Variants in CUBN observed in about 807,000 individuals in gnomAD.
The protein encoded by CUBN is 460 kDa receptor.
A neutral mutation model predicts 405.3 loss-of-function variants in CUBN; 282 were observed. The ratio of observed to expected loss-of-function variants is 0.70; its 90% CI spans 0.63 to 0.77. The LOEUF (loss-of-function observed/expected upper bound fraction) is 0.77. CUBN is among the 30% of genes least tolerant of loss of function. The pLI is 0.00. For missense variants in CUBN, 4,514 were observed against 4,475.2 expected (o/e 1.01, Z -0.25); for synonymous variants, 1,684 against 1,617.0 (o/e 1.04, Z -0.99).
At chr10:16,954,753 C>T (rs1843005796) in intron 31 of CUBN, among the ~76,000 whole-genome samples, 1 of 152,120 alleles carries the variant, frequency 6.6e-6, no homozygotes, top group African/African-American at 2.4e-5. Flanking sequence ...GCAGGACTTC[C>T]TCTGTCAGAG....
intron 14 of CUBN, among the ~76,000 whole-genome samples, chr10:17,089,525 A>T (rs12217785): frequency 0.54 from 81,510 of 151,974 alleles, 22,515 homozygotes; most frequent in East Asian, 0.7. Context: ...ACAAAGAAGG[A>T]GCAAATAAAA....
chr10:16,972,241 T>C (rs1036774220), intron 31 of CUBN, among the ~76,000 whole-genome samples: 1 of 152,134 alleles, frequency 6.6e-6, no homozygotes, highest in Non-Finnish European at 1.5e-5. Context: ...AAAATACTCC[T>C]AAAAGTGATC....
rs57009841 is a variant in CUBN at position 16,889,953 on chromosome 10, A to AAAAAAAAAAAAAAAAAG, written c.8755+417_8755+418insCTTTTTTTTTTTTTTTT. Among the ~76,000 whole-genome samples the AAAAAAAAAAAAAAAAAG allele has an allele frequency of 1.2e-3, 136 of 117,998 alleles. 20 individuals carry two copies. Among genetic ancestry groups the AAAAAAAAAAAAAAAAAG allele is most frequent in the African/African-American group, 5.6e-3 (134 of 23,860 alleles). The allele number at this position is 117,998 out of a possible 152,430, so 77.4% of individuals were successfully genotyped here. A position where few individuals can be genotyped will look rare whatever the true frequency, so the allele number is the denominator to read the frequency against. The stretch of plus-strand genomic sequence containing the variant: ...GCCGTGTCAAAAAAAAAAAAAAAAA[A>AAAAAAAAAAAAAAAAAG]CAGGAAAGACTTCGTCATGGAAATT... On this transcript the variant is annotated intron_variant, in intron 55 of 66. Transcript: ENST00000377833.
intron 62 of CUBN, 119 bp downstream of exon 62, chr10:16,840,211 C>G: frequency 2.3e-6 from 2 of 861,516 alleles, no homozygotes; most frequent in Non-Finnish European, 3.8e-6. Flanking sequence ...TACCCTAAAA[C>G]TTAAAGTATA....
rs768279556 is a variant in CUBN, at chr10:16,954,492, C to T, written c.4752G>A (p.Glu1584=). The change falls in exon 32 of 67, where the codon GAG becomes GAA. Residue 1584 remains glutamate (E), a synonymous_variant. Coordinates refer to ENST00000377833, the MANE Select transcript of CUBN (RefSeq NM_001081.4). ...MSRLARTCGR[E]QLANPIVSSG... is the part of the protein sequence containing the mutation. ...AGGAGACGATGGGGTTAGCCAGCTG[C>T]TCCCTTCCACACGTCCTGGCAAGGC... 2.5e-6 allele frequency: 4 copies of T among 1,613,980 alleles called. No homozygotes were observed. The Admixed American group carries it at 6.7e-5, about 27-fold the overall frequency.
intron 39 of CUBN, 104 bp downstream of exon 39, chr10:16,937,488 G>T: frequency 1.1e-6 from 1 of 909,526 alleles, no homozygotes; most frequent in Non-Finnish European, 1.8e-6. Context: ...GGGCTTTGGG[G>T]CTGTACTTAT....
chr10:17,077,497 T>C lies in CUBN; in HGVS notation c.2302-5526A>G, dbSNP rs186080783. ...CGCACGCTCATTTGTCTTCCTCTGC[T>C]ATGAATCCAGATTTGGTTTTATACT... On this transcript the variant is annotated intron_variant, in intron 17 of 66. Transcript: ENST00000377833. Among the ~76,000 whole-genome samples, 14 of 152,360 alleles carry C rather than the reference T, an allele frequency of 9.2e-5. 1 individual carries two copies. Among genetic ancestry groups the C allele is most frequent in the Middle Eastern group, 3.4e-3 (1 of 294 alleles).
rs774638612 is a variant in CUBN, at chr10:16,888,408, T to C, written c.8905+9A>G. The C allele has an allele frequency of 8.7e-6, 14 of 1,609,674 alleles. No individual in the cohort carries two copies. The highest frequency in any genetic ancestry group is 3.3e-5 in the Admixed American group (2 of 59,930). On this transcript the variant is annotated intron_variant, in intron 56 of 66. Transcript: ENST00000377833. The stretch of plus-strand genomic sequence containing the variant: ...ATTAAACGTAATTTTTTTAAAAGAA[T>C]AAACTTACCTTCTAAGTGGAAGGAC...
At chr10:16,984,020 G>T in intron 30 of CUBN, 85 bp downstream of exon 30, 1 of 1,432,602 alleles carries the variant, frequency 7.0e-7, no homozygotes, top group Non-Finnish European at 9.9e-7. Context: ...TAAGTGTGTA[G>T]CCTTCATACG....
chr10:17,028,383 G>A (rs187567975), intron 27 of CUBN, among the ~76,000 whole-genome samples: 47 of 151,878 alleles, frequency 3.1e-4, no homozygotes, highest in African/African-American at 1.1e-3. Flanking sequence ...ACTGCCATCC[G>A]GGCTCTCCCT....
At position 16,946,173 on chromosome 10, in the gene CUBN, C is replaced by G. The variant is rs61841452; in HGVS notation, c.5342+1062G>C. On this transcript the variant is annotated intron_variant, in intron 36 of 66. Coordinates refer to ENST00000377833, the MANE Select transcript of CUBN (RefSeq NM_001081.4). Reference sequence around the variant, plus strand: ...CTGGTAAATAAATTTCAATTCAAAACGGCAATTTAAATTCCAGGATCTTAT... The same window carrying G: ...CTGGTAAATAAATTTCAATTCAAAAGGGCAATTTAAATTCCAGGATCTTAT... Among the ~76,000 whole-genome samples, 10 of 152,250 alleles carry G rather than the reference C, an allele frequency of 6.6e-5. No homozygotes were observed. In the East Asian group the frequency reaches 1.9e-3, roughly 29 times the overall value.
chr10:16,833,397 A>G (rs1346820158), intron 64 of CUBN, among the ~76,000 whole-genome samples: 1 of 152,200 alleles, frequency 6.6e-6, no homozygotes, highest in African/African-American at 2.4e-5. Flanking sequence ...TAGAAAAGGC[A>G]TGAGCTTCCT....
intron 44 of CUBN, 137 bp downstream of exon 44, chr10:16,919,826 T>C: frequency 1.0e-6 from 1 of 962,424 alleles, no homozygotes; most frequent in Non-Finnish European, 1.6e-6. Context: ...TTTTCAGGCC[T>C]GAGCCATTAA....
chr10:17,091,266 C>T (rs1251681685), intron 14 of CUBN, among the ~76,000 whole-genome samples: 4 of 151,892 alleles, frequency 2.6e-5, no homozygotes, highest in Non-Finnish European at 5.9e-5. Context: ...TTTTTAAATG[C>T]CTAGAATTGA....
At position 16,962,984 on chromosome 10, in the gene CUBN, T is replaced by C. The variant is rs1442060886; in HGVS notation, c.4696-8436A>G. The stretch of plus-strand genomic sequence containing the variant: ...GCTGTATTCAAGTCACATGCTGTAC[T>C]GCTCTTTGCAGTAACCACCTCAGAG... On this transcript the variant is annotated intron_variant, in intron 31 of 66. Coordinates refer to ENST00000377833, the MANE Select transcript of CUBN (RefSeq NM_001081.4). Among the ~76,000 whole-genome samples, 5 of 152,246 alleles carry C rather than the reference T, an allele frequency of 3.3e-5. No homozygotes were observed. In the East Asian group the frequency reaches 7.7e-4, roughly 24 times the overall value.
intron 2 of CUBN, among the ~76,000 whole-genome samples, chr10:17,128,210 G>A (rs1290709814): frequency 2.0e-5 from 3 of 152,160 alleles, no homozygotes; most frequent in Non-Finnish European, 4.4e-5. Context: ...TGGCTTGGAA[G>A]CAGACTGTTT....
At chr10:16,853,013 T>C (rs1839766287) in intron 59 of CUBN, among the ~76,000 whole-genome samples, 1 of 152,180 alleles carries the variant, frequency 6.6e-6, no homozygotes, top group Non-Finnish European at 1.5e-5. Context: ...AAAAATTTTA[T>C]AATTCAGAAT....
chr10:16,945,768 A>C (rs1455559276), intron 36 of CUBN, among the ~76,000 whole-genome samples: 2 of 63,234 alleles, frequency 3.2e-5, no homozygotes, highest in African/African-American at 4.0e-4. Flanking sequence ...CTGTGTCTCC[A>C]AAAAAAAAAA....
chr10:17,129,592 G>C, intron 1 of CUBN, 52 bp downstream of exon 1: 1 of 1,611,926 alleles, frequency 6.2e-7, no homozygotes, highest in Non-Finnish European at 8.5e-7. Flanking sequence ...TGGGAAAACT[G>C]GTGAGGAATT....
Sources: gnomAD v4.1 joint callset for allele counts (sites outside exome capture counted in the v4.1 genomes callset) on GRCh38, gnomAD v4.1.1 for gene constraint, MANE v1.5 for transcripts, NCBI Gene and HGNC (gene_info 2026-07-23, HGNC 2026-07-21) for gene names.